BEAN1: variants seen among roughly 807,000 people sequenced by gnomAD.
BEAN1 encodes protein BEAN1.
In BEAN1, 17 loss-of-function variants were observed where a neutral mutation model predicts 17.7. The ratio of observed to expected loss-of-function variants is 0.96; its 90% CI spans 0.66 to 1.44. BEAN1 has a LOEUF of 1.44. BEAN1 is among the 40% of genes most tolerant of loss of function. The pLI, the probability that BEAN1 is intolerant of heterozygous loss-of-function variation, is 0.00. For synonymous variants in BEAN1, 142 were observed against 151.8 expected (o/e 0.94, Z 0.47); for missense variants, 359 against 374.1 (o/e 0.96, Z 0.33).
intron 4 of BEAN1, among the ~76,000 whole-genome samples, chr16:66,488,863 C>T (rs879848062): frequency 2.0e-5 from 3 of 152,028 alleles, no homozygotes; most frequent in Admixed American, 1.3e-4. Flanking sequence ...TTTTGGACCT[C>T]GGTCTGACCT....
chr16:66,456,211 C>T (rs918706506), intron 2 of BEAN1, among the ~76,000 whole-genome samples: 5 of 152,188 alleles, frequency 3.3e-5, no homozygotes, highest in Non-Finnish European at 5.9e-5. Context: ...TTCTCTCTCC[C>T]CTGGGTGGGA....
chr16:66,446,763 AC>A (rs985467884), intron 2 of BEAN1, among the ~76,000 whole-genome samples: 8 of 152,026 alleles, frequency 5.3e-5, no homozygotes, highest in African/African-American at 1.9e-4. Context: ...CACCCATGGC[AC>A]CCCAAAGCCA....
At chr16:66,437,298 T>A (rs367909077) in intron 1 of BEAN1, among the ~76,000 whole-genome samples, 7 of 149,022 alleles carry the variant, frequency 4.7e-5, no homozygotes, top group African/African-American at 1.8e-4. Flanking sequence ...ATTTTCATCA[T>A]GAGACAGAAG....
chr16:66,476,051 A>C (rs996159375), intron 3 of BEAN1, among the ~76,000 whole-genome samples: 3 of 151,380 alleles, frequency 2.0e-5, no homozygotes, highest in Non-Finnish European at 2.9e-5. Flanking sequence ...CGGAGCTTGC[A>C]GTGAGCTGAG....
intron 3 of BEAN1, among the ~76,000 whole-genome samples, chr16:66,474,974 G>A (rs1259561813): frequency 6.6e-6 from 1 of 152,166 alleles, no homozygotes; most frequent in Non-Finnish European, 1.5e-5. Flanking sequence ...CATAGAGATT[G>A]AGCACAGCAG....
intron 4 of BEAN1, among the ~76,000 whole-genome samples, chr16:66,489,442 CCTTACCTGTGTCTTCATTTCAG>C (rs1964135491): frequency 6.6e-6 from 1 of 152,154 alleles, no homozygotes; most frequent in Non-Finnish European, 1.5e-5. Flanking sequence ...CTGCCCTGGG[CCTTACCTGTGTCTTCATTTCAG>C]AGGGAGGTAG....
intron 4 of BEAN1, among the ~76,000 whole-genome samples, chr16:66,488,596 G>T (rs2142485408): frequency 6.6e-6 from 1 of 151,988 alleles, no homozygotes; most frequent in Non-Finnish European, 1.5e-5. Flanking sequence ...CTACAGGGGA[G>T]GGTGGGACAG....
At chr16:66,495,265 C>T (rs867303132), downstream of BEAN1, among the ~76,000 whole-genome samples, 1 of 152,106 alleles carries the variant, frequency 6.6e-6, no homozygotes, top group Admixed American at 6.5e-5. Context: ...CTGGTTATCA[C>T]CCACTCATCC....
Position 66,471,777 on chromosome 16 carries a change from C to T in BEAN1, c.289+1912C>T, listed in dbSNP as rs1171884508. Reference sequence around the variant, plus strand: ...CCCACCCAGTCTCTGCAAGTCTCCCCAGAAGCCAGGGACTCCCCAAGGAGA... The same window carrying T: ...CCCACCCAGTCTCTGCAAGTCTCCCTAGAAGCCAGGGACTCCCCAAGGAGA... On this transcript the variant is annotated intron_variant, in intron 3 of 4. Coordinates refer to ENST00000536005, the MANE Select transcript of BEAN1 (RefSeq NM_001178020.3). This position sits in a 1 kb window ranked among gnomAD's most constrained non-coding sequence, Gnocchi z 4.7. Among the ~76,000 whole-genome samples the T allele has an allele frequency of 6.6e-6, 1 of 152,228 alleles. No individual in the cohort carries two copies. The highest frequency in any genetic ancestry group is 1.5e-5 in the Non-Finnish European group (1 of 68,036).
intron 2 of BEAN1, among the ~76,000 whole-genome samples, chr16:66,464,748 A>G (rs1241035481): frequency 6.6e-6 from 1 of 152,238 alleles, no homozygotes; most frequent in African/African-American, 2.4e-5. Flanking sequence ...TTTATCTATC[A>G]GTCTTGTATC....
intron 2 of BEAN1, among the ~76,000 whole-genome samples, chr16:66,451,666 C>T (rs182217159): frequency 6.6e-6 from 1 of 152,302 alleles, no homozygotes; most frequent in East Asian, 1.9e-4. Context: ...AGGCAGTTTG[C>T]TTTGATTAGC....
At chr16:66,493,231 G>A (rs990308735) in exon 5 of BEAN1, 1 of 703,040 alleles carries the variant, frequency 1.4e-6, no homozygotes, top group Non-Finnish European at 2.6e-6. Context: ...ACAGCTCAGA[G>A]AAAAGGCTGG....
intron 2 of BEAN1, among the ~76,000 whole-genome samples, chr16:66,458,888 C>G (rs1048898500): frequency 6.6e-6 from 1 of 152,218 alleles, no homozygotes; most frequent in Admixed American, 6.5e-5. Context: ...GCTGGAGGAG[C>G]CAGAGCTGGC....
At chr16:66,470,474 T>C (rs1963442678) in intron 3 of BEAN1, among the ~76,000 whole-genome samples, 1 of 151,152 alleles carries the variant, frequency 6.6e-6, no homozygotes, top group African/African-American at 2.4e-5. Flanking sequence ...AGTGGAGAGA[T>C]GGAAGGGAGG....
At chr16:66,453,569 C>T (rs1962757245) in intron 2 of BEAN1, among the ~76,000 whole-genome samples, 1 of 151,946 alleles carries the variant, frequency 6.6e-6, no homozygotes, top group African/African-American at 2.4e-5. Context: ...ACTATGTTGC[C>T]CAAGCTGGTG....
chr16:66,429,847 A>C (rs1347026215), intron 1 of BEAN1, among the ~76,000 whole-genome samples: 1 of 152,170 alleles, frequency 6.6e-6, no homozygotes, highest in Non-Finnish European at 1.5e-5. Flanking sequence ...GAACACAGCC[A>C]GTGGGGAATG....
downstream of BEAN1, chr16:66,493,649 C>T: frequency 2.1e-6 from 1 of 480,024 alleles, no homozygotes; most frequent in Non-Finnish European, 3.6e-6. Flanking sequence ...GGGGCAGCCC[C>T]TGGTCTCGGA....
Position 66,478,387 on chromosome 16 carries a change from G to A in BEAN1, c.440+677G>A, listed in dbSNP as rs543109357. Among the ~76,000 whole-genome samples, 424 of 151,882 alleles carry A rather than the reference G, an allele frequency of 2.8e-3. 7 individuals are homozygous for A. The highest frequency in any genetic ancestry group is 9.9e-3 in the African/African-American group (409 of 41,380). On this transcript the variant is annotated intron_variant, in intron 4 of 4. Coordinates refer to ENST00000536005, the MANE Select transcript of BEAN1 (RefSeq NM_001178020.3). ...GGGAGGCTGAGGTGGGGGATCACGA[G>A]GTCAGGAGATCGAGACCATCCTGGC...
In BEAN1 at chr16:66,439,610, G is replaced by A. The variant is rs1460495402; in HGVS notation, c.25+1909G>A. ...ATATCCACCTCCTGAGGACTCCAGG[G>A]TGTGGTCACTGACATTCGAGGCCAT... On this transcript the variant is annotated intron_variant, in intron 2 of 4. Transcript: ENST00000536005. Among the ~76,000 whole-genome samples, 5 of 127,726 alleles carry A rather than the reference G, an allele frequency of 3.9e-5. No individual in the cohort carries two copies. In the East Asian group the frequency reaches 8.3e-4, roughly 21 times the overall value. 83.8% of individuals were successfully genotyped at this position (127,726 alleles called of 152,430 possible). A position where few individuals can be genotyped will look rare whatever the true frequency, so the allele number is the denominator to read the frequency against.
Sources: gnomAD v4.1 joint callset for allele counts (sites outside exome capture counted in the v4.1 genomes callset) on GRCh38, gnomAD v4.1.1 for gene constraint, Gnocchi (gnomAD v3.1) non-coding constraint, MANE v1.5 for transcripts, NCBI Gene and HGNC (gene_info 2026-07-23, HGNC 2026-07-21) for gene names.